The following ERGIC3 variants were observed in gnomAD, a reference collection of about 807,000 sequenced individuals.
ERGIC3 encodes the protein endoplasmic reticulum-Golgi intermediate compartment protein 3.
In ERGIC3, 33 loss-of-function variants were observed where a neutral mutation model predicts 54.7. The observed-to-expected ratio is 0.60, with a 90% CI of 0.46 to 0.81. The LOEUF is 0.81. Ranked by LOEUF, ERGIC3 falls within the 30% of genes least tolerant of loss-of-function variation. ERGIC3 has a pLI of 0.00. For missense variants in ERGIC3, 399 were observed against 488.4 expected, an observed-to-expected ratio of 0.82 and a Z score of 1.73; for synonymous variants, 186 against 189.8, an observed-to-expected ratio of 0.98 and a Z score of 0.16.
chr20:35,548,689 C>A lies in ERGIC3; in HGVS notation c.627+15C>A, dbSNP rs1205105022. ...AAGTCAATAAGGTATCAGGAGGGAT[C>A]AAGACAAGATAGGGCCAGCTGGGCT... On this transcript the variant is annotated intron_variant, in intron 6 of 12. Coordinates refer to ENST00000348547, the MANE Select transcript of ERGIC3 (RefSeq NM_015966.3). 1 of 1,614,080 alleles carries A rather than the reference C, an allele frequency of 6.2e-7. No homozygotes were observed. Among genetic ancestry groups the A allele is most frequent in the Non-Finnish European group, 8.5e-7 (1 of 1,180,034 alleles).
At chr20:35,543,707 G>A (rs1401565137) in intron 4 of ERGIC3, 1 of 470,994 alleles carries the variant, frequency 2.1e-6, no homozygotes, top group Admixed American at 2.3e-5. Context: ...CTATAGGACT[G>A]GATGTGGAGT....
chr20:35,547,971 G>T (rs1371102372), intron 5 of ERGIC3, among the ~76,000 whole-genome samples: 1 of 152,162 alleles, frequency 6.6e-6, no homozygotes, highest in Non-Finnish European at 1.5e-5. Context: ...CCTGACTTCT[G>T]CAAGACTGAT....
intron 7 of ERGIC3, 189 bp from the exon 8 acceptor site, chr20:35,554,855 G>A: frequency 2.8e-6 from 2 of 708,508 alleles, no homozygotes; most frequent in South Asian, 1.6e-5. Flanking sequence ...TGAGGAGGGC[G>A]TGAACTCTCA....
intron 10 of ERGIC3, chr20:35,556,699 T>G (rs1568873668): frequency 3.7e-6 from 2 of 546,378 alleles, no homozygotes; most frequent in Middle Eastern, 5.0e-4. Flanking sequence ...GGAGAGCTGC[T>G]TCTCAGCCTG....
chr20:35,555,052 T>C lies in ERGIC3; in HGVS notation c.694T>C (p.Leu232=). ...FQQSHVHVHD[L]QSFGLDNINM... ...TCTCCCTTCTCTCCTAGTCCATGAC[T>C]TGCAGAGCTTTGGCCTTGACAACGT... is the stretch of plus-strand genomic sequence containing the variant. The change falls in exon 8 of 13, where the codon TTG becomes CTG. Residue 232 remains leucine, a synonymous_variant. Coordinates refer to ENST00000348547, the MANE Select transcript of ERGIC3 (RefSeq NM_015966.3). 1 of 1,613,892 alleles carries C rather than the reference T, an allele frequency of 6.2e-7. No individual in the cohort carries two copies. The highest frequency in any genetic ancestry group is 8.5e-7 in the Non-Finnish European group (1 of 1,179,990).
chr20:35,553,969 A>G (rs769602184), intron 7 of ERGIC3, among the ~76,000 whole-genome samples: 4 of 152,198 alleles, frequency 2.6e-5, no homozygotes, highest in Non-Finnish European at 5.9e-5. Context: ...GTGAGTTTCT[A>G]ACATCCTTGT....
chr20:35,557,427 G>A lies in ERGIC3; in HGVS notation c.1075G>A (p.Ala359Thr). The A allele has an allele frequency of 6.2e-7, 1 of 1,614,072 alleles. No homozygotes were observed. The highest frequency in any genetic ancestry group is 8.5e-7 in the Non-Finnish European group (1 of 1,180,016). Residue 359 changes from alanine (A) to threonine (T), a missense_variant and splice_region_variant, in exon 13 of 13, where the codon GCT becomes ACT. Physicochemically the swap from Ala to Thr is moderately conservative, Grantham distance 58 (BLOSUM62 0). Coordinates refer to ENST00000348547, the MANE Select transcript of ERGIC3 (RefSeq NM_015966.3). ...GCCAGCCCTTGTCTCTCTCCCAGTG[G>A]CTGGACTCATCGATTCGCTCATCTA... Reference protein sequence around the residue: ...CAIIGGMFTVAGLIDSLIYHS... With the variant: ...CAIIGGMFTVTGLIDSLIYHS...
At chr20:35,555,986 T>C (rs2064709074) in intron 8 of ERGIC3, 47 bp from the exon 9 acceptor site, 3 of 1,582,916 alleles carry the variant, frequency 1.9e-6, no homozygotes, top group Non-Finnish European at 2.6e-6. Flanking sequence ...CCCTGTCTGC[T>C]ACTGTCATCA....
intron 7 of ERGIC3, among the ~76,000 whole-genome samples, chr20:35,549,950 T>G (rs1339650970): frequency 1.3e-5 from 2 of 152,040 alleles, no homozygotes; most frequent in Non-Finnish European, 2.9e-5. Context: ...TTACAATATT[T>G]TCAACTTGCA....
intron 5 of ERGIC3, among the ~76,000 whole-genome samples, 152 bp from the exon 6 acceptor site, chr20:35,548,356 CT>C (rs1348108599): frequency 4.6e-5 from 7 of 152,182 alleles, no homozygotes; most frequent in Non-Finnish European, 2.9e-5. Flanking sequence ...CCTTCTGCCA[CT>C]GAGGAAACAC....
At chr20:35,543,908 T>C (rs907732487) in intron 4 of ERGIC3, 2 of 333,590 alleles carry the variant, frequency 6.0e-6, no homozygotes. Context: ...GTTTTTTCAG[T>C]TTCCCTGGGT....
intron 7 of ERGIC3, among the ~76,000 whole-genome samples, chr20:35,553,019 G>GTTTTTTTTTTTTTTTTT (rs2064689546): frequency 1.6e-4 from 2 of 12,640 alleles, no homozygotes; most frequent in Non-Finnish European, 2.2e-4. Flanking sequence ...CAAAGCTGGG[G>GTTTTTTTTTTTTTTTTT]ATTTTTTTTT....
At position 35,542,819 on chromosome 20, in the gene ERGIC3, C is replaced by G; in HGVS notation, c.248-3C>G. On this transcript the variant is annotated splice_polypyrimidine_tract_variant and splice_region_variant and intron_variant, in intron 3 of 12. Transcript: ENST00000348547. ...TACCTTAGCCTGATTTTCCTGCTTC[C>G]AGATCTGAGTATTGATGCCATGGAT... is the stretch of plus-strand genomic sequence containing the variant. 3 of 1,614,084 alleles carry G rather than the reference C, an allele frequency of 1.9e-6. No individual in the cohort carries two copies. Among genetic ancestry groups the G allele is most frequent in the Non-Finnish European group, 2.5e-6 (3 of 1,180,016 alleles).
chr20:35,548,751 C>A, intron 6 of ERGIC3, 57 bp from the exon 7 acceptor site: 2 of 1,614,032 alleles, frequency 1.2e-6, no homozygotes, highest in Non-Finnish European at 1.7e-6. Context: ...CCCAGTCAGG[C>A]CCTGAGTAGG....
intron 10 of ERGIC3, 126 bp from the exon 11 acceptor site, chr20:35,556,847 G>T (rs928255109): frequency 1.5e-6 from 2 of 1,341,222 alleles, no homozygotes; most frequent in East Asian, 2.5e-5. Context: ...CCACTAGCAC[G>T]GTGCTGTGTT....
rs376350265 is a variant in ERGIC3 at position 35,557,097 on chromosome 20, C to G, written c.1004C>G (p.Thr335Arg). The change falls in exon 11 of 13, where the codon ACG (threonine) becomes AGG (arginine). Residue 335 changes from threonine (T) to arginine (R), a missense_variant. Thr to Arg is a moderately conservative substitution (Grantham distance 71). Transcript: ENST00000348547. ...YELSPMMVKL[T>R]EKHRSFTHFL... ...CTCTCGCCCATGATGGTGAAGCTGA[C>G]GGAGAAGCACAGGTGAGGATGGGGG... is the stretch of plus-strand genomic sequence containing the variant. 86 of 1,614,106 alleles carry G rather than the reference C, an allele frequency of 5.3e-5. No individual in the cohort carries two copies. The highest frequency in any genetic ancestry group is 2.2e-4 in the Admixed American group (13 of 60,006).
chr20:35,547,629 G>T (rs2064656347), intron 5 of ERGIC3, 124 bp downstream of exon 5: 6 of 790,366 alleles, frequency 7.6e-6, no homozygotes, highest in Non-Finnish European at 1.3e-5. Context: ...CGGGGTATGT[G>T]CCTCTGTCAT....
intron 12 of ERGIC3, 60 bp from the exon 13 acceptor site, chr20:35,557,363 GCT>G: frequency 1.2e-6 from 2 of 1,608,740 alleles, no homozygotes. Flanking sequence ...AAGTGACAAG[GCT>G]CTCAGCGTCA....
At chr20:35,548,918 G>A in intron 7 of ERGIC3, 53 bp downstream of exon 7, 3 of 1,596,592 alleles carry the variant, frequency 1.9e-6, no homozygotes, top group Non-Finnish European at 2.6e-6. Flanking sequence ...CCTTCTTGGT[G>A]AGCTTGAGTG....
Sources: gnomAD v4.1 joint callset for allele counts (sites outside exome capture counted in the v4.1 genomes callset) on GRCh38, gnomAD v4.1.1 for gene constraint, MANE v1.5 for transcripts, NCBI Gene and HGNC (gene_info 2026-07-23, HGNC 2026-07-21) for gene names.